The following IPMK variants were observed in gnomAD, a reference collection of about 807,000 sequenced individuals.
The protein encoded by IPMK is inositol 1,3,4,6-tetrakisphosphate 5-kinase.
In IPMK, 17 loss-of-function variants were observed where a neutral mutation model predicts 45.8. That is an observed-to-expected ratio of 0.37 (90% confidence interval 0.25 to 0.56). IPMK has a LOEUF of 0.56. Among genes scored for constraint, IPMK ranks in the 20% least tolerant of loss-of-function variants. The pLI is 0.79. For missense variants in IPMK, 399 were observed against 498.0 expected, an observed-to-expected ratio of 0.80 and a Z score of 1.89; for synonymous variants, 180 against 184.3, an observed-to-expected ratio of 0.98 and a Z score of 0.19.
At chr10:58,214,602 C>T (rs1345540406) in intron 4 of IPMK, among the ~76,000 whole-genome samples, 1 of 152,074 alleles carries the variant, frequency 6.6e-6, no homozygotes, top group African/African-American at 2.4e-5. Flanking sequence ...ATACATAACC[C>T]AAATATCAAA....
intron 1 of IPMK, among the ~76,000 whole-genome samples, chr10:58,254,541 A>C (rs763555211): frequency 1.3e-5 from 2 of 152,026 alleles, no homozygotes; most frequent in African/African-American, 4.8e-5. Flanking sequence ...TAGATCTTCA[A>C]TTCTTCTAGT....
intron 4 of IPMK, among the ~76,000 whole-genome samples, chr10:58,207,224 C>T (rs1046505497): frequency 2.0e-4 from 31 of 152,158 alleles, no homozygotes; most frequent in African/African-American, 7.0e-4. Flanking sequence ...AGGATGGTCT[C>T]GATCTCCTGA....
intron 1 of IPMK, among the ~76,000 whole-genome samples, chr10:58,238,245 T>C (rs1421271698): frequency 6.6e-6 from 1 of 152,208 alleles, no homozygotes; most frequent in Non-Finnish European, 1.5e-5. Context: ...ATTTCCTACT[T>C]GGTAATTTTT....
chr10:58,224,702 A>T (rs1465351609), intron 3 of IPMK, among the ~76,000 whole-genome samples: 1 of 152,216 alleles, frequency 6.6e-6, no homozygotes, highest in African/African-American at 2.4e-5. Flanking sequence ...TATTAAAAAC[A>T]GTATCAGCTT....
chr10:58,228,717 T>C (rs2132159985), intron 2 of IPMK, among the ~76,000 whole-genome samples: 1 of 152,330 alleles, frequency 6.6e-6, no homozygotes, highest in South Asian at 2.1e-4. Flanking sequence ...ATATTTTTAG[T>C]AGAGACGAGG....
chr10:58,204,480 C>T (rs1838044423), intron 4 of IPMK, among the ~76,000 whole-genome samples: 1 of 151,872 alleles, frequency 6.6e-6, no homozygotes, highest in Non-Finnish European at 1.5e-5. Context: ...CCAGAATAGC[C>T]AAAACAAATT....
intron 1 of IPMK, among the ~76,000 whole-genome samples, chr10:58,265,407 T>C (rs1839134216): frequency 1.3e-5 from 2 of 152,190 alleles, no homozygotes; most frequent in South Asian, 4.1e-4. Flanking sequence ...ATGATCTAAA[T>C]GATGTAAACT....
chr10:58,256,760 C>T (rs1427849986), intron 1 of IPMK, among the ~76,000 whole-genome samples: 1 of 152,112 alleles, frequency 6.6e-6, no homozygotes, highest in Non-Finnish European at 1.5e-5. Context: ...CTTTATTTGT[C>T]AGACCAGCCG....
chr10:58,252,830 G>A (rs983115863), intron 1 of IPMK, among the ~76,000 whole-genome samples: 27 of 151,880 alleles, frequency 1.8e-4, no homozygotes, highest in East Asian at 3.9e-4. Context: ...CAGGCTGGTC[G>A]CAAACTCCTG....
intron 2 of IPMK, among the ~76,000 whole-genome samples, chr10:58,227,973 T>A (rs1425203087): frequency 1.3e-5 from 2 of 151,832 alleles, no homozygotes; most frequent in Non-Finnish European, 2.9e-5. Context: ...ACCATATTTA[T>A]GTCAAGTAGT....
At chr10:58,250,788 T>C (rs188932670) in intron 1 of IPMK, among the ~76,000 whole-genome samples, 101 of 152,334 alleles carry the variant, frequency 6.6e-4, no homozygotes, top group South Asian at 2.3e-3. Context: ...TTTTTCCCAA[T>C]TCAGTATTAT....
At chr10:58,243,433 G>A (rs1838727663) in intron 1 of IPMK, among the ~76,000 whole-genome samples, 1 of 152,220 alleles carries the variant, frequency 6.6e-6, no homozygotes, top group South Asian at 2.1e-4. Context: ...GTACTGCCAT[G>A]ATATCAGCTT....
intron 3 of IPMK, among the ~76,000 whole-genome samples, chr10:58,226,742 G>A (rs1257809538): frequency 6.6e-6 from 1 of 152,044 alleles, no homozygotes; most frequent in African/African-American, 2.4e-5. Context: ...ACTCAAAATG[G>A]GAAAAGAAAC....
chr10:58,255,236 A>G (rs989336335), intron 1 of IPMK, among the ~76,000 whole-genome samples: 1 of 152,224 alleles, frequency 6.6e-6, no homozygotes, highest in African/African-American at 2.4e-5. Flanking sequence ...TTTTGTTCCC[A>G]ATACACTCCA....
chr10:58,203,405 C>T (rs143307630), intron 4 of IPMK, among the ~76,000 whole-genome samples: 4 of 152,362 alleles, frequency 2.6e-5, no homozygotes, highest in African/African-American at 9.6e-5. Flanking sequence ...CAGCCTCAAC[C>T]TTTTGTACTC....
chr10:58,199,444 GAA>G (rs974438489), intron 4 of IPMK, 123 bp from the exon 5 acceptor site: 4 of 423,908 alleles, frequency 9.4e-6, no homozygotes, highest in South Asian at 5.8e-5. Flanking sequence ...GATTTGAGAA[GAA>G]AAAAAAAAAT....
chr10:58,221,516 A>C (rs1022502027), intron 3 of IPMK, among the ~76,000 whole-genome samples: 1 of 152,092 alleles, frequency 6.6e-6, no homozygotes, highest in African/African-American at 2.4e-5. Context: ...TTGTTCTAAG[A>C]CTGATCCAAA....
At chr10:58,214,078 C>T (rs571713762) in intron 4 of IPMK, among the ~76,000 whole-genome samples, 2 of 152,204 alleles carry the variant, frequency 1.3e-5, no homozygotes, top group South Asian at 2.1e-4. Flanking sequence ...TTTTAAAAAA[C>T]TTGACAGTGA....
At chr10:58,256,010 C>T (rs1410983461) in intron 1 of IPMK, among the ~76,000 whole-genome samples, 2 of 152,194 alleles carry the variant, frequency 1.3e-5, no homozygotes, top group Non-Finnish European at 2.9e-5. Context: ...ATCTTCATAA[C>T]CTGAGGATTT....
Sources: allele counts gnomAD v4.1 joint callset (sites outside exome capture counted in the v4.1 genomes callset), GRCh38; gene constraint gnomAD v4.1.1; transcripts MANE v1.5; gene names NCBI Gene and HGNC (gene_info 2026-07-23, HGNC 2026-07-21).